Variants in IHO1 observed in about 807,000 individuals in gnomAD.
The protein encoded by IHO1 is interactor of HORMAD1 1.
In IHO1, 13 loss-of-function variants were observed where a neutral mutation model predicts 31.0. The ratio of observed to expected loss-of-function variants is 0.42; its 90% CI spans 0.27 to 0.67. The LOEUF (loss-of-function observed/expected upper bound fraction) is 0.67. Among genes scored for constraint, IHO1 ranks in the 30% least tolerant of loss-of-function variants. The pLI, the probability that IHO1 is intolerant of heterozygous loss-of-function variation, is 0.24. For missense variants in IHO1, 599 were observed against 687.5 expected (o/e 0.87, Z 1.44); for synonymous variants, 221 against 248.4 (o/e 0.89, Z 1.04).
chr3:49,220,725 G>A (rs539685428), intron 2 of IHO1, among the ~76,000 whole-genome samples: 23 of 152,172 alleles, frequency 1.5e-4, no homozygotes, highest in South Asian at 8.3e-4. Context: ...AAAATTAGCC[G>A]GGCGTGGTGG....
chr3:49,253,864 C>T (rs988619411), intron 6 of IHO1, among the ~76,000 whole-genome samples: 5 of 123,796 alleles, frequency 4.0e-5, no homozygotes, highest in African/African-American at 6.2e-5. Context: ...GATGAAGTCT[C>T]GCTCTGTCAC....
chr3:49,222,760 A>G (rs142664934), intron 2 of IHO1, among the ~76,000 whole-genome samples: 7 of 152,206 alleles, frequency 4.6e-5, no homozygotes, highest in African/African-American at 1.7e-4. Flanking sequence ...AAAATAGGAG[A>G]TGCAAGTCCT....
At chr3:49,207,700 G>C (rs935092423) in intron 1 of IHO1, among the ~76,000 whole-genome samples, 5 of 151,778 alleles carry the variant, frequency 3.3e-5, no homozygotes, top group African/African-American at 1.2e-4. Flanking sequence ...CCTTGTAAAC[G>C]TTTAAAAATT....
At chr3:49,230,303 G>T (rs923210815) in intron 2 of IHO1, among the ~76,000 whole-genome samples, 3 of 152,136 alleles carry the variant, frequency 2.0e-5, no homozygotes, top group African/African-American at 7.2e-5. Context: ...GACCTATGGG[G>T]ACATTACAGC....
At chr3:49,235,053 G>A (rs954075976) in intron 2 of IHO1, among the ~76,000 whole-genome samples, 1 of 151,602 alleles carries the variant, frequency 6.6e-6, no homozygotes, top group Non-Finnish European at 1.5e-5. Context: ...CACCATGTTG[G>A]TCAGGCTGGT....
At chr3:49,226,986 G>A (rs1474835983) in intron 2 of IHO1, among the ~76,000 whole-genome samples, 1 of 152,108 alleles carries the variant, frequency 6.6e-6, no homozygotes, top group African/African-American at 2.4e-5. Context: ...TTTCTTCTGG[G>A]CAGGGGAGAT....
upstream of IHO1, among the ~76,000 whole-genome samples, chr3:49,199,333 C>T (rs985114219): frequency 1.3e-5 from 2 of 152,050 alleles, no homozygotes; most frequent in Non-Finnish European, 2.9e-5. Flanking sequence ...GGGGACTGGA[C>T]GGAATCCCAG....
chr3:49,255,057 C>T (rs1363871764), intron 6 of IHO1, among the ~76,000 whole-genome samples: 4 of 147,732 alleles, frequency 2.7e-5, no homozygotes, highest in Admixed American at 6.7e-5. Context: ...AGCTAGTCTC[C>T]GTCTCAAAAA....
At chr3:49,196,155 C>T (rs554452631), upstream of IHO1, among the ~76,000 whole-genome samples, 7 of 147,330 alleles carry the variant, frequency 4.8e-5, no homozygotes, top group Non-Finnish European at 9.0e-5. Context: ...GGCATGAACC[C>T]GAGAGGCAGA....
At chr3:49,233,691 T>C (rs2046510375) in intron 2 of IHO1, among the ~76,000 whole-genome samples, 1 of 152,174 alleles carries the variant, frequency 6.6e-6, no homozygotes, top group Non-Finnish European at 1.5e-5. Flanking sequence ...AAGGGGGACA[T>C]GTTGGGAACA....
upstream of IHO1, chr3:49,199,072 C>G (rs925387116): frequency 2.0e-5 from 3 of 152,480 alleles, no homozygotes; most frequent in African/African-American, 7.2e-5. Flanking sequence ...CCTCCTTGTT[C>G]TGGTCATACA....
rs2046438829 is a variant in IHO1 at position 49,228,263 on chromosome 3, C to T, written c.57-8285C>T. On this transcript the variant is annotated intron_variant, in intron 2 of 7. Transcript: ENST00000452691. ...ACTGAATGGCTTTCCTCTCTGTCAA[C>T]CTTTATCTCAGCCCGGAAGTACAGG... 4 of 444,018 alleles carry T rather than the reference C, an allele frequency of 9.0e-6. No individual in the cohort carries two copies. In the Admixed American group the frequency reaches 9.8e-5, roughly 11 times the overall value. 27.5% of individuals were successfully genotyped at this position (444,018 alleles called of 1,614,324 possible). A position where few individuals can be genotyped will look rare whatever the true frequency, so the allele number is the denominator to read the frequency against.
intron 3 of IHO1, among the ~76,000 whole-genome samples, chr3:49,240,517 C>A (rs1361720120): frequency 6.6e-6 from 1 of 152,198 alleles, no homozygotes; most frequent in Admixed American, 6.5e-5. Flanking sequence ...AGCCACCACA[C>A]CCGACCAATT....
chr3:49,251,956 C>A (rs566371925), intron 6 of IHO1, among the ~76,000 whole-genome samples: 1 of 151,888 alleles, frequency 6.6e-6, no homozygotes, highest in Non-Finnish European at 1.5e-5. Context: ...CTCAGCCTCC[C>A]GAGTAGCTGG....
intron 2 of IHO1, among the ~76,000 whole-genome samples, chr3:49,225,665 C>A (rs2046409018): frequency 6.6e-6 from 1 of 152,142 alleles, no homozygotes; most frequent in South Asian, 2.1e-4. Flanking sequence ...GTGGGACTTT[C>A]AGGCACAACA....
chr3:49,256,324 C>G lies in IHO1; in HGVS notation c.827C>G (p.Pro276Arg). 6.2e-7 allele frequency: 1 copy of G among 1,614,156 alleles called. No homozygotes were observed. Among genetic ancestry groups the G allele is most frequent in the Non-Finnish European group, 8.5e-7 (1 of 1,180,040 alleles). Residue 276 changes from proline (P) to arginine (R), a missense_variant, in exon 8 of 8, where the codon CCT (proline) becomes CGT (arginine). Transcript: ENST00000452691. The surrounding 1 kb of genome is among the most constrained non-coding windows in gnomAD (Gnocchi z 4.6). ...VKDSASQTSP[P>R]LAQSLNLTRQ... ...GACAGTGCTTCTCAGACGTCGCCAC[C>G]TTTGGCCCAGAGCCTCAATCTCACC...
chr3:49,223,949 C>T (rs185969305), intron 2 of IHO1, among the ~76,000 whole-genome samples: 431 of 152,252 alleles, frequency 2.8e-3, no homozygotes, highest in African/African-American at 9.8e-3. Context: ...AGGGACCTTA[C>T]GATGGACCAA....
At chr3:49,235,174 T>A (rs1341479651) in intron 2 of IHO1, among the ~76,000 whole-genome samples, 1 of 151,692 alleles carries the variant, frequency 6.6e-6, no homozygotes, top group Non-Finnish European at 1.5e-5. Flanking sequence ...TACCTTTTCT[T>A]GTACTCAAAA....
intron 2 of IHO1, 63 bp downstream of exon 2, chr3:49,211,899 A>T (rs2046221723): frequency 2.1e-6 from 2 of 947,082 alleles, no homozygotes; most frequent in Non-Finnish European, 3.5e-6. Flanking sequence ...ATGATGGCTC[A>T]CACCTGTAAT....
Sources: gnomAD v4.1 joint callset for allele counts (sites outside exome capture counted in the v4.1 genomes callset) on GRCh38, gnomAD v4.1.1 for gene constraint, Gnocchi (gnomAD v3.1) non-coding constraint, MANE v1.5 for transcripts, NCBI Gene and HGNC (gene_info 2026-07-23, HGNC 2026-07-21) for gene names.